Variants in AGTPBP1 observed in about 807,000 individuals in gnomAD.
The protein encoded by AGTPBP1 is ATP/GTP binding carboxypeptidase 1, also known as cytosolic carboxypeptidase 1.
In AGTPBP1, 70 loss-of-function variants were observed where a neutral mutation model predicts 143.9. That is an observed-to-expected ratio of 0.49 (90% CI 0.40 to 0.59). AGTPBP1 has a LOEUF of 0.59. AGTPBP1 is among the 20% of genes least tolerant of loss of function. AGTPBP1 has a pLI of 0.00. For missense variants in AGTPBP1, 1,229 were observed against 1,464.5 expected (o/e 0.84, Z 2.62); for synonymous variants, 463 against 500.2 (o/e 0.93, Z 0.99).
chr9:85,646,936 TA>T (rs376708469), intron 11 of AGTPBP1, among the ~76,000 whole-genome samples: 127 of 146,630 alleles, frequency 8.7e-4, no homozygotes, highest in South Asian at 8.2e-3. Context: ...CTGGTGTGCT[TA>T]AAAAAAAAAA....
chr9:85,654,256 T>C (rs1300281046), intron 11 of AGTPBP1, among the ~76,000 whole-genome samples: 1 of 152,162 alleles, frequency 6.6e-6, no homozygotes, highest in Non-Finnish European at 1.5e-5. Flanking sequence ...CTTTTTCACT[T>C]TGGTAGATGT....
At chr9:85,552,870 T>A (rs903139896) in intron 25 of AGTPBP1, among the ~76,000 whole-genome samples, 1 of 152,188 alleles carries the variant, frequency 6.6e-6, no homozygotes, top group Non-Finnish European at 1.5e-5. Flanking sequence ...GGGGGAAAAT[T>A]TTTGAAAATG....
intron 6 of AGTPBP1, among the ~76,000 whole-genome samples, chr9:85,676,595 T>C (rs558742859): frequency 1.3e-4 from 20 of 152,174 alleles, no homozygotes; most frequent in African/African-American, 3.9e-4. Context: ...TGCAAAAATC[T>C]AAGTTACTAC....
chr9:85,556,665 G>C (rs926296614), intron 25 of AGTPBP1, among the ~76,000 whole-genome samples: 3 of 151,990 alleles, frequency 2.0e-5, no homozygotes, highest in African/African-American at 7.2e-5. Context: ...CGAAAGCTAG[G>C]GCAACTACAC....
At chr9:85,763,526 C>A in the AGTPBP1 span, among the ~76,000 whole-genome samples, 26 of 151,284 alleles carry the variant, frequency 1.7e-4, no homozygotes, top group African/African-American at 6.1e-4. Context: ...GAAGCATGAT[C>A]ATTTCATACT....
chr9:85,660,712 TA>T (rs1833804623), intron 9 of AGTPBP1, among the ~76,000 whole-genome samples: 1 of 152,152 alleles, frequency 6.6e-6, no homozygotes, highest in South Asian at 2.1e-4. Context: ...TGTGCTTGAC[TA>T]AATTATATAA....
intron 1 of AGTPBP1, among the ~76,000 whole-genome samples, chr9:85,725,910 G>A (rs572512065): frequency 4.0e-5 from 6 of 151,800 alleles, no homozygotes; most frequent in Admixed American, 2.6e-4. Context: ...ATAGCCAGGC[G>A]TGGTGGCACA....
the AGTPBP1 span, among the ~76,000 whole-genome samples, chr9:85,755,136 T>G: frequency 6.6e-6 from 1 of 152,206 alleles, no homozygotes; most frequent in Non-Finnish European, 1.5e-5. Flanking sequence ...ATGCATCTTC[T>G]TTGTCTTGGC....
At chr9:85,687,170 C>T (rs994182397) in intron 3 of AGTPBP1, among the ~76,000 whole-genome samples, 29 of 152,040 alleles carry the variant, frequency 1.9e-4, no homozygotes, top group Admixed American at 3.9e-4. Context: ...ATGGAAGAGG[C>T]AAACTATCAG....
chr9:85,753,078 T>G, the AGTPBP1 span, among the ~76,000 whole-genome samples: 2 of 152,196 alleles, frequency 1.3e-5, no homozygotes, highest in African/African-American at 4.8e-5. Flanking sequence ...GCCCCAACTG[T>G]CATCTACTCA....
In AGTPBP1 at chr9:85,577,618, A is replaced by G. The variant is rs1827980017; in HGVS notation, c.3342+1302T>C. Among the ~76,000 whole-genome samples the G allele has an allele frequency of 2.0e-5, 3 of 152,192 alleles. No individual in the cohort carries two copies. The South Asian group carries it at 6.2e-4, about 31-fold the overall frequency. On this transcript the variant is annotated intron_variant, in intron 24 of 25. Coordinates refer to ENST00000357081, the MANE Select transcript of AGTPBP1 (RefSeq NM_001330701.2). ...TTACACTTTGGAAGATCACACTGTG[A>G]TCAACCTAAAATTCAGGGAAGAGTC... is the stretch of plus-strand genomic sequence containing the variant.
At chr9:85,551,845 G>A (rs528089576) in intron 25 of AGTPBP1, among the ~76,000 whole-genome samples, 3 of 151,890 alleles carry the variant, frequency 2.0e-5, no homozygotes, top group East Asian at 1.9e-4. Context: ...TAAAATAATC[G>A]CTTTAAATAA....
At chr9:85,596,805 G>A (rs1021058737) in intron 17 of AGTPBP1, among the ~76,000 whole-genome samples, 1 of 152,002 alleles carries the variant, frequency 6.6e-6, no homozygotes, top group Non-Finnish European at 1.5e-5. Context: ...CTAACTCTCC[G>A]TGGATTTCCA....
At chr9:85,619,172 A>T (rs748130566) in intron 16 of AGTPBP1, 41 bp from the exon 17 acceptor site, 1 of 1,610,074 alleles carries the variant, frequency 6.2e-7, no homozygotes, top group African/African-American at 1.3e-5. Flanking sequence ...AAATTAGGAA[A>T]TATCTGTGCA....
chr9:85,680,798 CTT>C (rs1251758187), intron 4 of AGTPBP1, among the ~76,000 whole-genome samples: 1 of 152,154 alleles, frequency 6.6e-6, no homozygotes, highest in Admixed American at 6.5e-5. Context: ...CCACCAAAAA[CTT>C]TACACTGGCG....
upstream of AGTPBP1, among the ~76,000 whole-genome samples, chr9:85,744,970 T>C (rs1824564462): frequency 6.6e-6 from 1 of 152,246 alleles, no homozygotes. Flanking sequence ...TATTATGATA[T>C]ATAAAACTAA....
chr9:85,629,210 G>A (rs1831500279), intron 14 of AGTPBP1, among the ~76,000 whole-genome samples: 1 of 152,082 alleles, frequency 6.6e-6, no homozygotes, highest in Non-Finnish European at 1.5e-5. Flanking sequence ...TGAACTCAGT[G>A]GTATATTAGA....
chr9:85,621,610 A>AATAATTCTGT (rs1161681493), intron 14 of AGTPBP1, among the ~76,000 whole-genome samples: 10 of 152,320 alleles, frequency 6.6e-5, no homozygotes, highest in Middle Eastern at 3.4e-3. Context: ...CCCTTGGGCA[A>AATAATTCTGT]ATAATTCTGT....
intron 7 of AGTPBP1, 140 bp downstream of exon 7, chr9:85,672,410 T>C (rs975362957): frequency 4.1e-6 from 4 of 977,182 alleles, no homozygotes; most frequent in Non-Finnish European, 5.9e-6. Context: ...GTGGTTGGAG[T>C]CAAGAGTTAA....
Sources: allele counts gnomAD v4.1 joint callset (sites outside exome capture counted in the v4.1 genomes callset), GRCh38; gene constraint gnomAD v4.1.1; transcripts MANE v1.5; gene names NCBI Gene and HGNC (gene_info 2026-07-23, HGNC 2026-07-21).